Variants in KMT5A observed in about 807,000 individuals in gnomAD.
KMT5A encodes the protein lysine methyltransferase 5A.
Under a neutral mutation model 40.6 loss-of-function variants are expected in KMT5A, and 6 were observed. The ratio of observed to expected loss-of-function variants is 0.15; its 90% confidence interval spans 0.08 to 0.29. KMT5A has a LOEUF of 0.29. Among genes scored for constraint, KMT5A ranks in the 10% least tolerant of loss-of-function variants. KMT5A has a pLI of 1.00. For missense variants in KMT5A, 308 were observed against 459.1 expected (o/e 0.67, Z 3.01); for synonymous variants, 153 against 178.8 (o/e 0.86, Z 1.15).
chr12:123,401,372 T>C (rs1878158851), intron 5 of KMT5A, among the ~76,000 whole-genome samples: 1 of 150,766 alleles, frequency 6.6e-6, no homozygotes, highest in African/African-American at 2.4e-5. Context: ...ATGGTCTCGA[T>C]CTCCTGACTT....
chr12:123,405,412 C>A (rs1001826204), intron 7 of KMT5A, among the ~76,000 whole-genome samples: 1 of 151,520 alleles, frequency 6.6e-6, no homozygotes, highest in Non-Finnish European at 1.5e-5. Context: ...CTCAGACGAT[C>A]CACCCGCCTT....
chr12:123,402,319 G>GA (rs1439011067), intron 5 of KMT5A, among the ~76,000 whole-genome samples: 2 of 152,242 alleles, frequency 1.3e-5, no homozygotes, highest in African/African-American at 4.8e-5. Context: ...GCCGCAGTGG[G>GA]AATGGAGATG....
At chr12:123,400,697 CAG>C (rs1878090801) in intron 5 of KMT5A, among the ~76,000 whole-genome samples, 1 of 152,238 alleles carries the variant, frequency 6.6e-6, no homozygotes, top group South Asian at 2.1e-4. Context: ...AAAGATAATA[CAG>C]AGAGTTCCCC....
At chr12:123,398,197 A>G (rs1174160403) in intron 5 of KMT5A, among the ~76,000 whole-genome samples, 1 of 151,742 alleles carries the variant, frequency 6.6e-6, no homozygotes, top group Non-Finnish European at 1.5e-5. Flanking sequence ...TGGGAGAATC[A>G]CTTGAACCCA....
intron 5 of KMT5A, among the ~76,000 whole-genome samples, chr12:123,397,218 T>G (rs921140372): frequency 6.6e-6 from 1 of 152,236 alleles, no homozygotes; most frequent in African/African-American, 2.4e-5. Context: ...CAGTCAATAT[T>G]TGCTGCAGTG....
intron 1 of KMT5A, 120 bp from the exon 2 acceptor site, chr12:123,389,313 C>G (rs1312970946): frequency 1.7e-6 from 1 of 595,496 alleles, no homozygotes; most frequent in African/African-American, 2.1e-5. Context: ...AGAGCCGGGG[C>G]CTCGAAATAT....
At chr12:123,386,839 G>A (rs558356063) in intron 1 of KMT5A, among the ~76,000 whole-genome samples, 1 of 151,634 alleles carries the variant, frequency 6.6e-6, no homozygotes, top group Admixed American at 6.6e-5. Flanking sequence ...CTGGTGGGGG[G>A]GTCTCCAAAA....
intron 7 of KMT5A, among the ~76,000 whole-genome samples, chr12:123,405,644 G>A (rs1038317303): frequency 2.1e-5 from 3 of 139,674 alleles, no homozygotes; most frequent in Admixed American, 7.7e-5. Context: ...AGCCTCCCAC[G>A]TAACTGGGAT....
In KMT5A at chr12:123,400,764, T is replaced by C. The variant is rs1824041775; in HGVS notation, c.598-2809T>C. ...GTTACTCTGGTGAATTTGTCACAGC[T>C]AAGTAACAACCAACATTGGTATATT... On this transcript the variant is annotated intron_variant, in intron 5 of 7. Coordinates refer to ENST00000402868, the MANE Select transcript of KMT5A (RefSeq NM_020382.7). Among the ~76,000 whole-genome samples the C allele has an allele frequency of 2.0e-5, 3 of 152,110 alleles. No individual in the cohort carries two copies. The South Asian group carries it at 6.2e-4, about 32-fold the overall frequency.
intron 5 of KMT5A, among the ~76,000 whole-genome samples, chr12:123,402,785 T>C (rs1448351078): frequency 1.3e-5 from 2 of 152,158 alleles, no homozygotes; most frequent in African/African-American, 4.8e-5. Flanking sequence ...TTCTCATCCA[T>C]CGTGGTGGCC....
intron 2 of KMT5A, chr12:123,390,216 A>G (rs915333332): frequency 8.8e-6 from 4 of 452,308 alleles, no homozygotes; most frequent in Non-Finnish European, 1.8e-5. Flanking sequence ...CTCAGCACCA[A>G]GTGGTTAATC....
chr12:123,404,006 A>C (rs1593474223), intron 6 of KMT5A, among the ~76,000 whole-genome samples: 2 of 148,864 alleles, frequency 1.3e-5, no homozygotes, highest in Admixed American at 6.7e-5. Flanking sequence ...CACCATCCCC[A>C]CCTCTCCCCT....
chr12:123,390,784 A>T lies in KMT5A; in HGVS notation c.287A>T (p.Glu96Val). Residue 96 changes from glutamate to valine, a missense_variant and splice_region_variant, in exon 3 of 8, where the codon GAA becomes GTA. By Grantham distance (121) the Glu-to-Val change is moderately radical. Transcript: ENST00000402868. ...KPLAGIYRKREEKRNAGNAVR... is the reference protein window; with the variant it reads ...KPLAGIYRKRVEKRNAGNAVR... ...TTAGCCGGAATCTACAGGAAACGAG[A>T]AGGTAAGCTTTTGAAATGGCCTCGT... 1 of 1,613,804 alleles carries T rather than the reference A, an allele frequency of 6.2e-7. No individual in the cohort carries two copies. The highest frequency in any genetic ancestry group is 8.5e-7 in the Non-Finnish European group (1 of 1,179,758).
intron 3 of KMT5A, among the ~76,000 whole-genome samples, chr12:123,394,771 C>G (rs1235968637): frequency 2.0e-5 from 3 of 152,216 alleles, no homozygotes; most frequent in African/African-American, 7.2e-5. Context: ...GCGTCTCCGT[C>G]TCTGGTGCCT....
Position 123,394,582 on chromosome 12 carries a change from A to T in KMT5A, c.290-465A>T, listed in dbSNP as rs559955854. 4.6e-5 allele frequency among the ~76,000 whole-genome samples: 7 copies of T among 152,210 alleles called. No individual in the cohort carries two copies. The South Asian group carries it at 1.0e-3, about 23-fold the overall frequency. The stretch of plus-strand genomic sequence containing the variant: ...GAACCTGGGGCTTCAACCCCACTAG[A>T]AGGGGACCTTCTTTTTCTTCGGAGT... On this transcript the variant is annotated intron_variant, in intron 3 of 7. Transcript: ENST00000402868.
chr12:123,409,336 ATATT>A lies in KMT5A; in HGVS notation c.*1638_*1641del, dbSNP rs1005660568. On this transcript the variant is annotated 3_prime_UTR_variant, in exon 8 of 8. Transcript: ENST00000402868. ...CATCATAAAAATGAAACAAATTAAAATATTTATTGCCAGGCAAGGCCACGTGTGT... is the reference window on the plus strand; with the variant it reads ...CATCATAAAAATGAAACAAATTAAAATATTGCCAGGCAAGGCCACGTGTGT... The A allele has an allele frequency of 1.3e-5, 2 of 152,056 alleles. No individual in the cohort carries two copies. Among genetic ancestry groups the A allele is most frequent in the Middle Eastern group, 3.2e-3 (1 of 316 alleles). 9.4% of individuals were successfully genotyped at this position (152,056 alleles called of 1,614,324 possible).
rs1878670149 is a variant in KMT5A, at chr12:123,407,796, A to T, written c.*93A>T. On this transcript the variant is annotated 3_prime_UTR_variant, in exon 8 of 8. Coordinates refer to ENST00000402868, the MANE Select transcript of KMT5A (RefSeq NM_020382.7). Reference sequence around the variant, plus strand: ...ATTGAATTTTTTTTTTACACACTTAATCTTAGCGGATTACTTCAGATGTTT... The same window carrying T: ...ATTGAATTTTTTTTTTACACACTTATTCTTAGCGGATTACTTCAGATGTTT... The T allele has an allele frequency of 4.0e-6, 3 of 751,448 alleles. No individual in the cohort carries two copies. The Admixed American group carries it at 7.8e-5, about 20-fold the overall frequency. 46.5% of individuals were successfully genotyped at this position (751,448 alleles called of 1,614,324 possible). A position where few individuals can be genotyped will look rare whatever the true frequency, so the allele number is the denominator to read the frequency against.
chr12:123,386,252 G>C (rs1317000413), intron 1 of KMT5A, among the ~76,000 whole-genome samples: 1 of 121,310 alleles, frequency 8.2e-6, no homozygotes, highest in African/African-American at 3.2e-5. Flanking sequence ...GTCTCTCTCT[G>C]TCACCCAGGC....
rs79885693 is a variant in KMT5A, at chr12:123,397,468, G to A, written c.597+1036G>A. On this transcript the variant is annotated intron_variant, in intron 5 of 7. Coordinates refer to ENST00000402868, the MANE Select transcript of KMT5A (RefSeq NM_020382.7). ...CAGCGTTCTTGATGTTAAATGCGCA[G>A]ATACACAGTGGTCTAGTATTCTTTC... Among the ~76,000 whole-genome samples, 200 of 152,314 alleles carry A rather than the reference G, an allele frequency of 1.3e-3. 1 individual carries two copies. The highest frequency in any genetic ancestry group is 4.0e-3 in the Admixed American group (61 of 15,280).
Sources: gnomAD v4.1 joint callset for allele counts (sites outside exome capture counted in the v4.1 genomes callset) on GRCh38, gnomAD v4.1.1 for gene constraint, MANE v1.5 for transcripts, NCBI Gene and HGNC (gene_info 2026-07-23, HGNC 2026-07-21) for gene names.